Variants in NCR3LG1 observed in about 807,000 individuals in gnomAD.
NCR3LG1 encodes natural cytotoxicity triggering receptor 3 ligand 1.
Under a neutral mutation model 34.8 loss-of-function variants are expected in NCR3LG1, and 35 were observed. That is an observed-to-expected ratio of 1.01 (90% CI 0.77 to 1.33). The LOEUF (loss-of-function observed/expected upper bound fraction) is 1.33. Among genes scored for constraint, NCR3LG1 ranks in the 40% most tolerant of loss-of-function variants. The probability of loss-of-function intolerance (pLI) is 0.00; values close to 1 mark genes in which losing one functional copy is unlikely to be tolerated. For synonymous variants in NCR3LG1, 173 were observed against 163.6 expected (o/e 1.06, Z -0.44); for missense variants, 452 against 423.3 (o/e 1.07, Z -0.60).
chr11:17,377,740 T>C (rs1229071822), downstream of NCR3LG1, among the ~76,000 whole-genome samples: 1 of 152,214 alleles, frequency 6.6e-6, no homozygotes, highest in Non-Finnish European at 1.5e-5. Context: ...CTGGCTACAC[T>C]TAATCCTCCC....
Position 17,372,187 on chromosome 11 carries a change from C to G in NCR3LG1, c.1040C>G (p.Thr347Ser), listed in dbSNP as rs1302408915. The change falls in exon 5 of 5, where the codon ACT (threonine) becomes AGT (serine). Residue 347 changes from threonine to serine, a missense_variant. Coordinates refer to ENST00000338965, the MANE Select transcript of NCR3LG1 (RefSeq NM_001202439.3). Reference protein sequence around the residue: ...WPPEGSVNINTIQQLDVFCRQ... With the variant: ...WPPEGSVNINSIQQLDVFCRQ... ...CCTGAGGGAAGTGTTAATATTAATA[C>G]TATTCAACAACTAGATGTTTTCTGC... The G allele has an allele frequency of 2.8e-6, 2 of 702,982 alleles. No individual in the cohort carries two copies. Among genetic ancestry groups the G allele is most frequent in the Non-Finnish European group, 5.2e-6 (2 of 385,008 alleles). The allele number at this position is 702,982 out of a possible 1,614,324, so 43.5% of individuals were successfully genotyped here.
rs1591688654 is a variant in NCR3LG1, at chr11:17,373,974, C to T, written c.*1462C>T. 1.3e-5 allele frequency: 2 copies of T among 152,244 alleles called. No individual in the cohort carries two copies. The highest frequency in any genetic ancestry group is 1.3e-4 in the Admixed American group (2 of 15,294). The allele number at this position is 152,244 out of a possible 1,614,324, so 9.4% of individuals were successfully genotyped here. A position where few individuals can be genotyped will look rare whatever the true frequency, so the allele number is the denominator to read the frequency against. On this transcript the variant is annotated 3_prime_UTR_variant, in exon 5 of 5. Coordinates refer to ENST00000338965, the MANE Select transcript of NCR3LG1 (RefSeq NM_001202439.3). ...CACCTCAAGGATCCCACTTTTTTTC[C>T]TAACCAGAGACAATACCCTCTGAAG...
At chr11:17,359,207 G>T (rs952958514) in intron 2 of NCR3LG1, among the ~76,000 whole-genome samples, 4 of 152,178 alleles carry the variant, frequency 2.6e-5, no homozygotes, top group African/African-American at 9.7e-5. Context: ...AGCCAACAGA[G>T]CAAAGAAATA....
Position 17,367,297 on chromosome 11 carries a change from C to T in NCR3LG1, c.710C>T (p.Thr237Ile), listed in dbSNP as rs1388938333. ...QCVVRHASLH[T>I]PLRSNFTLTA... ...GTGGTACGGCATGCGTCCTTGCATA[C>T]CCCCTTGAGGAGCAACTTTACCCTG... is the stretch of plus-strand genomic sequence containing the variant. The change falls in exon 3 of 5, where the codon ACC (threonine) becomes ATC (isoleucine). Residue 237 changes from threonine to isoleucine, a missense_variant. By Grantham distance (89) the Thr-to-Ile change is moderately conservative. Coordinates refer to ENST00000338965, the MANE Select transcript of NCR3LG1 (RefSeq NM_001202439.3). 1.2e-5 allele frequency: 19 copies of T among 1,536,086 alleles called. No individual in the cohort carries two copies. Among genetic ancestry groups the T allele is most frequent in the Non-Finnish European group, 1.7e-5 (19 of 1,146,856 alleles).
chr11:17,354,268 A>C (rs1180935734), intron 1 of NCR3LG1, among the ~76,000 whole-genome samples: 1 of 152,284 alleles, frequency 6.6e-6, no homozygotes, highest in East Asian at 1.9e-4. Flanking sequence ...AAGACTGCAG[A>C]AAATTCCAAG....
chr11:17,358,635 A>C (rs553326980), intron 2 of NCR3LG1, among the ~76,000 whole-genome samples: 2 of 152,156 alleles, frequency 1.3e-5, no homozygotes, highest in Admixed American at 6.5e-5. Flanking sequence ...TGCAGCCCAC[A>C]CTTAAGGTTG....
intron 3 of NCR3LG1, 66 bp downstream of exon 3, chr11:17,367,413 C>T (rs1030755702): frequency 2.0e-5 from 25 of 1,275,864 alleles, no homozygotes; most frequent in Non-Finnish European, 2.6e-5. Context: ...AGACTTATTC[C>T]CACACAGCCT....
At chr11:17,355,852 C>T (rs1224586492) in intron 1 of NCR3LG1, among the ~76,000 whole-genome samples, 1 of 152,092 alleles carries the variant, frequency 6.6e-6, no homozygotes, top group African/African-American at 2.4e-5. Context: ...GGCTAGAGTG[C>T]AATGGCATTA....
At chr11:17,361,766 A>G (rs947795658) in intron 2 of NCR3LG1, among the ~76,000 whole-genome samples, 1 of 152,172 alleles carries the variant, frequency 6.6e-6, no homozygotes, top group Non-Finnish European at 1.5e-5. Context: ...TTTTCTACAT[A>G]AATCAGGCTG....
At chr11:17,353,447 G>A (rs1302378952) in intron 1 of NCR3LG1, among the ~76,000 whole-genome samples, 1 of 152,000 alleles carries the variant, frequency 6.6e-6, no homozygotes, top group Non-Finnish European at 1.5e-5. Flanking sequence ...TGTCGCTGCG[G>A]TCTGGAAACG....
chr11:17,371,195 C>T (rs1311170562), intron 4 of NCR3LG1, among the ~76,000 whole-genome samples: 1 of 152,126 alleles, frequency 6.6e-6, no homozygotes, highest in Non-Finnish European at 1.5e-5. Flanking sequence ...ATGGGGACAG[C>T]CTATTAAGCC....
Position 17,372,496 on chromosome 11 carries a change from T to C in NCR3LG1, c.1349T>C (p.Leu450Pro). The change falls in exon 5 of 5, where the codon CTG becomes CCG. Residue 450 changes from leucine (L) to proline (P), a missense_variant. Physicochemically the swap from Leu to Pro is moderately conservative, Grantham distance 98 (BLOSUM62 -3). Coordinates refer to ENST00000338965, the MANE Select transcript of NCR3LG1 (RefSeq NM_001202439.3). ...CTATCCTCCCAACCCCCAACTTTAC[T>C]GTTACCCCTACAGTAAATGCCTGAT... is the stretch of plus-strand genomic sequence containing the variant. ...PVLSSQPPTLLLPLQ is the reference protein window; with the variant it reads ...PVLSSQPPTLPLPLQ 2 of 700,892 alleles carry C rather than the reference T, an allele frequency of 2.9e-6. No individual in the cohort carries two copies. The highest frequency in any genetic ancestry group is 5.2e-6 in the Non-Finnish European group (2 of 383,580). 43.4% of individuals were successfully genotyped at this position (700,892 alleles called of 1,614,324 possible). A position where few individuals can be genotyped will look rare whatever the true frequency, so the allele number is the denominator to read the frequency against.
downstream of NCR3LG1, among the ~76,000 whole-genome samples, chr11:17,378,857 A>C (rs1158126210): frequency 6.6e-6 from 1 of 152,160 alleles, no homozygotes; most frequent in Non-Finnish European, 1.5e-5. Context: ...GGTAAGAAAG[A>C]CTACACAGGA....
At position 17,364,539 on chromosome 11, in the gene NCR3LG1, T is replaced by G. The variant is rs903067502; in HGVS notation, c.422-2470T>G. Among the ~76,000 whole-genome samples, 17 of 147,978 alleles carry G rather than the reference T, an allele frequency of 1.1e-4. No homozygotes were observed. The East Asian group carries it at 1.6e-3, about 14-fold the overall frequency. On this transcript the variant is annotated intron_variant, in intron 2 of 4. Transcript: ENST00000338965. ...AACATCTTCAAGCTCACTGATTCTT[T>G]CCTTGTCAGTTTCTTTTTTTTTTTG...
At chr11:17,369,867 G>C (rs1300639545) in intron 4 of NCR3LG1, among the ~76,000 whole-genome samples, 4 of 152,204 alleles carry the variant, frequency 2.6e-5, no homozygotes, top group Non-Finnish European at 5.9e-5. Flanking sequence ...GAAGAAACTA[G>C]TCAGGCAGGC....
At chr11:17,365,026 T>TTA (rs1357437139) in intron 2 of NCR3LG1, among the ~76,000 whole-genome samples, 1 of 152,234 alleles carries the variant, frequency 6.6e-6, no homozygotes, top group African/African-American at 2.4e-5. Context: ...AACATTTTAA[T>TTA]TATAGTTTTT....
chr11:17,372,609 C>T lies in NCR3LG1; in HGVS notation c.*97C>T. 1 of 609,000 alleles carries T rather than the reference C, an allele frequency of 1.6e-6. No homozygotes were observed. Among genetic ancestry groups the T allele is most frequent in the Non-Finnish European group, 2.9e-6 (1 of 342,388 alleles). 37.7% of individuals were successfully genotyped at this position (609,000 alleles called of 1,614,324 possible). On this transcript the variant is annotated 3_prime_UTR_variant, in exon 5 of 5. Coordinates refer to ENST00000338965, the MANE Select transcript of NCR3LG1 (RefSeq NM_001202439.3). ...GGACCTGGGCAAGTTCTCTGATGAC[C>T]TGATAGATATATAGAGGCTTTCCAA... is the stretch of plus-strand genomic sequence containing the variant.
At chr11:17,360,978 T>C (rs1252395626) in intron 2 of NCR3LG1, among the ~76,000 whole-genome samples, 1 of 151,944 alleles carries the variant, frequency 6.6e-6, no homozygotes, top group Non-Finnish European at 1.5e-5. Flanking sequence ...TCGAGTGATC[T>C]CCCCCGTCTC....
downstream of NCR3LG1, among the ~76,000 whole-genome samples, chr11:17,378,214 C>T (rs1953493319): frequency 6.6e-6 from 1 of 152,066 alleles, no homozygotes; most frequent in Non-Finnish European, 1.5e-5. Context: ...TACCTGTGCA[C>T]TTTTAAAAAG....
Sources: allele counts gnomAD v4.1 joint callset (sites outside exome capture counted in the v4.1 genomes callset), GRCh38; gene constraint gnomAD v4.1.1; transcripts MANE v1.5; gene names NCBI Gene and HGNC (gene_info 2026-07-23, HGNC 2026-07-21).